RORA: variants seen among roughly 807,000 people sequenced by gnomAD.
RORA encodes nuclear receptor ROR-alpha.
Under a neutral mutation model 69.5 loss-of-function variants are expected in RORA, and 7 were observed. The observed-to-expected ratio is 0.10, with a 90% CI of 0.06 to 0.19. The LOEUF is 0.19. Ranked by LOEUF, RORA falls within the 10% of genes least tolerant of loss-of-function variation. The probability of loss-of-function intolerance (pLI) is 1.00; values close to 1 mark genes in which losing one functional copy is unlikely to be tolerated. For missense variants in RORA, 457 were observed against 663.0 expected, an observed-to-expected ratio of 0.69 and a Z score of 3.41; for synonymous variants, 261 against 240.8, an observed-to-expected ratio of 1.08 and a Z score of -0.78.
intron 1 of RORA, among the ~76,000 whole-genome samples, chr15:60,924,029 C>A (rs1384938580): frequency 1.3e-5 from 2 of 152,180 alleles, no homozygotes; most frequent in Non-Finnish European, 2.9e-5. Flanking sequence ...GAGGTGGGTC[C>A]AGAAAGGGCC....
chr15:60,701,279 C>G (rs1567161639), intron 1 of RORA, among the ~76,000 whole-genome samples: 1 of 152,172 alleles, frequency 6.6e-6, no homozygotes, highest in African/African-American at 2.4e-5. Flanking sequence ...CTGAATGAAT[C>G]AAATGTGCCT....
intron 2 of RORA, among the ~76,000 whole-genome samples, chr15:60,567,711 G>A (rs914380899): frequency 3.3e-5 from 5 of 152,072 alleles, no homozygotes; most frequent in Admixed American, 1.3e-4. Context: ...AGGCCCAGCC[G>A]ATACCCTCTT....
chr15:61,177,575 A>AGT (rs1452084421), intron 1 of RORA, among the ~76,000 whole-genome samples: 6 of 152,142 alleles, frequency 3.9e-5, no homozygotes, highest in Non-Finnish European at 8.8e-5. Context: ...TGGACATTTG[A>AGT]GTGTTACAAA....
At chr15:60,910,545 C>T (rs1356333209) in intron 1 of RORA, among the ~76,000 whole-genome samples, 3 of 152,176 alleles carry the variant, frequency 2.0e-5, no homozygotes, top group African/African-American at 7.2e-5. Flanking sequence ...AGCAGGTTAA[C>T]ACCATCTACC....
At chr15:60,957,198 T>C (rs984267440) in intron 1 of RORA, among the ~76,000 whole-genome samples, 2 of 152,196 alleles carry the variant, frequency 1.3e-5, no homozygotes. Context: ...AGAATATGCG[T>C]TCAAGTAAGG....
intron 1 of RORA, among the ~76,000 whole-genome samples, chr15:60,724,107 C>T (rs930756484): frequency 6.6e-6 from 1 of 152,142 alleles, no homozygotes; most frequent in Non-Finnish European, 1.5e-5. Context: ...CGGATTTATT[C>T]ATGAATTTTT....
chr15:60,569,009 C>G (rs988679116), intron 2 of RORA, among the ~76,000 whole-genome samples: 1 of 149,244 alleles, frequency 6.7e-6, no homozygotes, highest in African/African-American at 2.5e-5. Flanking sequence ...GCTGACAATA[C>G]AATTTACAAA....
At chr15:60,989,684 G>GACCACTCCAAA (rs1894314097) in intron 1 of RORA, among the ~76,000 whole-genome samples, 1 of 152,192 alleles carries the variant, frequency 6.6e-6, no homozygotes, top group Non-Finnish European at 1.5e-5. Flanking sequence ...ATCTAGTCCA[G>GACCACTCCAAA]ACCACTCCAA....
chr15:60,901,709 G>T lies in RORA; in HGVS notation c.167-223023C>A, dbSNP rs73430100. On this transcript the variant is annotated intron_variant, in intron 1 of 10. Transcript: ENST00000335670. ...GATGCATGAGCCTGTTGGGCACTAC[G>T]CAACTTCTCAAACTCTGGCATCAGG... Among the ~76,000 whole-genome samples the T allele has an allele frequency of 6.5e-3, 997 of 152,304 alleles. 12 individuals carry two copies. The highest frequency in any genetic ancestry group is 0.023 in the African/African-American group (950 of 41,552).
At chr15:60,874,048 G>A (rs1289945134) in intron 1 of RORA, among the ~76,000 whole-genome samples, 1 of 152,064 alleles carries the variant, frequency 6.6e-6, no homozygotes, top group African/African-American at 2.4e-5. Flanking sequence ...CCTGAAAAGG[G>A]AAGAAGAAAA....
chr15:60,729,427 G>T lies in RORA; in HGVS notation c.167-50741C>A, dbSNP rs1008546076. On this transcript the variant is annotated intron_variant, in intron 1 of 10. Coordinates refer to ENST00000335670, the MANE Select transcript of RORA (RefSeq NM_134261.3). ...GGGGACAACAGAGTCAGGAGTCCTG[G>T]ATTCTAGTCCCAGATTAGTCACTCA... Among the ~76,000 whole-genome samples the T allele has an allele frequency of 2.0e-5, 3 of 152,218 alleles. No individual in the cohort carries two copies. The East Asian group carries it at 5.8e-4, about 29-fold the overall frequency.
At chr15:60,986,419 A>G (rs2140365397) in intron 1 of RORA, among the ~76,000 whole-genome samples, 1 of 152,338 alleles carries the variant, frequency 6.6e-6, no homozygotes, top group Non-Finnish European at 1.5e-5. Context: ...TATCACTACA[A>G]TTAGCCCCTT....
chr15:60,725,850 C>T (rs182350575), intron 1 of RORA, among the ~76,000 whole-genome samples: 52 of 152,140 alleles, frequency 3.4e-4, no homozygotes, highest in African/African-American at 9.9e-4. Context: ...GTCAGTCATA[C>T]GAGTGAAGTG....
intron 3 of RORA, among the ~76,000 whole-genome samples, chr15:60,517,492 G>T (rs747218622): frequency 7.1e-6 from 1 of 141,090 alleles, no homozygotes; most frequent in Non-Finnish European, 1.5e-5. Context: ...TATTGTTTGT[G>T]TGTGTCTGTT....
chr15:60,854,761 G>A (rs2073362757), intron 1 of RORA, among the ~76,000 whole-genome samples: 1 of 152,176 alleles, frequency 6.6e-6, no homozygotes, highest in African/African-American at 2.4e-5. Context: ...AAGGCAATTG[G>A]CATTTTTCAA....
At chr15:61,011,426 C>T (rs990647228) in intron 1 of RORA, among the ~76,000 whole-genome samples, 14 of 152,074 alleles carry the variant, frequency 9.2e-5, no homozygotes, top group African/African-American at 3.4e-4. Flanking sequence ...AAAAGTTTTG[C>T]TTTTGTTGTT....
At chr15:61,043,640 C>T (rs78450029) in intron 1 of RORA, among the ~76,000 whole-genome samples, 3,294 of 152,212 alleles carry the variant, frequency 0.022, 46 homozygotes, top group Non-Finnish European at 0.033. Flanking sequence ...TCATACAGTT[C>T]CCTCCCACGG....
intron 5 of RORA, among the ~76,000 whole-genome samples, chr15:60,510,151 C>T (rs1005251208): frequency 2.6e-5 from 4 of 152,140 alleles, no homozygotes; most frequent in Middle Eastern, 3.2e-3. Context: ...GTTTCTTTTC[C>T]GTCTGAAGTC....
At chr15:60,925,606 C>G (rs980981116) in intron 1 of RORA, among the ~76,000 whole-genome samples, 1 of 152,234 alleles carries the variant, frequency 6.6e-6, no homozygotes, top group South Asian at 2.1e-4. Flanking sequence ...AGCAGCCCCA[C>G]AGCTCACTCA....
Sources: gnomAD v4.1 joint callset for allele counts (sites outside exome capture counted in the v4.1 genomes callset) on GRCh38, gnomAD v4.1.1 for gene constraint, MANE v1.5 for transcripts, NCBI Gene and HGNC (gene_info 2026-07-23, HGNC 2026-07-21) for gene names.